SYK: variants seen among roughly 807,000 people sequenced by gnomAD.
SYK encodes spleen associated tyrosine kinase, also known as tyrosine-protein kinase SYK.
SYK carries 16 observed loss-of-function variants against 77.8 expected under a neutral mutation model. That is an observed-to-expected ratio of 0.21 (90% CI 0.14 to 0.31). The LOEUF (loss-of-function observed/expected upper bound fraction) is 0.31. Among genes scored for constraint, SYK ranks in the 10% least tolerant of loss-of-function variants. The pLI, the probability that SYK is intolerant of heterozygous loss-of-function variation, is 1.00. For missense variants in SYK, 529 were observed against 814.4 expected, an observed-to-expected ratio of 0.65 and a Z score of 4.26; for synonymous variants, 312 against 308.7, an observed-to-expected ratio of 1.01 and a Z score of -0.11.
rs1311314925 is a variant in SYK, at chr9:90,884,157, A to ATATATATATACACATACGTG, written c.1582-3588_1582-3587insTATATACACATACGTGTATA. Among the ~76,000 whole-genome samples, 34 of 107,560 alleles carry ATATATATATACACATACGTG rather than the reference A, an allele frequency of 3.2e-4. 1 individual carries two copies. The highest frequency in any genetic ancestry group is 1.1e-3 in the African/African-American group (32 of 27,890). 70.6% of individuals were successfully genotyped at this position (107,560 alleles called of 152,430 possible). A position where few individuals can be genotyped will look rare whatever the true frequency, so the allele number is the denominator to read the frequency against. On this transcript the variant is annotated intron_variant, in intron 11 of 13. Transcript: ENST00000375754. ...TACATATATATATGTGTGTGTGTATATATACACACATACACATACGTGTAT... is the reference window on the plus strand; with the variant it reads ...TACATATATATATGTGTGTGTGTATATATATATATACACATACGTGTATACACACATACACATACGTGTAT...
chr9:90,888,906 G>C (rs1828682871), intron 13 of SYK, among the ~76,000 whole-genome samples: 1 of 152,198 alleles, frequency 6.6e-6, no homozygotes, highest in South Asian at 2.1e-4. Context: ...GGCAAGGGCA[G>C]TCAAAGTAAA....
chr9:90,815,488 C>T (rs1397401180), intron 1 of SYK, among the ~76,000 whole-genome samples: 2 of 152,180 alleles, frequency 1.3e-5, no homozygotes, highest in African/African-American at 2.4e-5. Context: ...CAAGAGAAGT[C>T]GTTTTGAAGG....
Position 90,878,810 on chromosome 9 carries a change from A to G in SYK, c.1438A>G (p.Met480Val), listed in dbSNP as rs1828039721. 3 of 1,613,904 alleles carry G rather than the reference A, an allele frequency of 1.9e-6. No homozygotes were observed. Among genetic ancestry groups the G allele is most frequent in the Non-Finnish European group, 2.5e-6 (3 of 1,179,890 alleles). ...NIIELVHQVSMGMKYLEESNF... is the reference protein window; with the variant it reads ...NIIELVHQVSVGMKYLEESNF... ...CATAGAACTGGTTCATCAGGTTTCC[A>G]TGGGCATGAAGTACTTGGAGGAGAG... Residue 480 changes from methionine (M) to valine (V), a missense_variant, in exon 11 of 14, where the codon ATG (methionine) becomes GTG (valine). Met to Val is a conservative substitution (Grantham distance 21). Coordinates refer to ENST00000375754, the MANE Select transcript of SYK (RefSeq NM_003177.7).
intron 12 of SYK, among the ~76,000 whole-genome samples, 155 bp downstream of exon 12, chr9:90,888,044 A>G (rs980455917): frequency 1.3e-5 from 2 of 152,232 alleles, no homozygotes; most frequent in South Asian, 2.1e-4. Context: ...CAAACTGAGA[A>G]TGAAATATCT....
intron 11 of SYK, among the ~76,000 whole-genome samples, chr9:90,884,340 C>CACAT (rs1554714426): frequency 2.4e-5 from 3 of 124,600 alleles, no homozygotes; most frequent in African/African-American, 9.0e-5. Flanking sequence ...TGTATATATA[C>CACAT]ACACATACAC....
intron 7 of SYK, among the ~76,000 whole-genome samples, chr9:90,872,776 T>G (rs1162683944): frequency 6.6e-6 from 1 of 152,276 alleles, no homozygotes; most frequent in African/African-American, 2.4e-5. Flanking sequence ...ACCCATCCAT[T>G]CATTCATGTG....
Position 90,874,291 on chromosome 9 carries a change from G to C in SYK, c.1003G>C (p.Gly335Arg). ...PELAPWAADK[G>R]PQREALPMDT... ...ACTTGCACCCTGGGCTGCAGACAAA[G>C]GTGAGACTTCCTTTCATTCAAGGGA... Residue 335 changes from glycine (G) to arginine (R), a missense_variant and splice_region_variant, in exon 8 of 14, where the codon GGC becomes CGC. Gly to Arg is a moderately radical substitution (Grantham distance 125). Transcript: ENST00000375754. 1 of 1,614,096 alleles carries C rather than the reference G, an allele frequency of 6.2e-7. No individual in the cohort carries two copies. Among genetic ancestry groups the C allele is most frequent in the Non-Finnish European group, 8.5e-7 (1 of 1,179,956 alleles).
intron 1 of SYK, chr9:90,827,723 A>G (rs1302538061): frequency 6.6e-6 from 1 of 152,200 alleles, no homozygotes; most frequent in African/African-American, 2.4e-5. Flanking sequence ...TCTTCCACTG[A>G]GCACATGTCC....
At chr9:90,884,190 C>CGCATAT (rs1564119980) in intron 11 of SYK, among the ~76,000 whole-genome samples, 1 of 151,408 alleles carries the variant, frequency 6.6e-6, no homozygotes, top group Non-Finnish European at 1.5e-5. Context: ...TATATATACA[C>CGCATAT]ACATACACAT....
chr9:90,820,645 A>G (rs530875449), intron 1 of SYK, among the ~76,000 whole-genome samples: 1 of 151,932 alleles, frequency 6.6e-6, no homozygotes, highest in East Asian at 1.9e-4. Context: ...CCACGAAACC[A>G]CTTTTTCCTC....
At chr9:90,812,861 G>T (rs1825145774) in intron 1 of SYK, among the ~76,000 whole-genome samples, 1 of 151,636 alleles carries the variant, frequency 6.6e-6, no homozygotes, top group African/African-American at 2.4e-5. Context: ...TTCTCCTAAG[G>T]TTTGCCACTC....
At chr9:90,869,150 A>G (rs1027011463) in intron 7 of SYK, among the ~76,000 whole-genome samples, 8 of 152,202 alleles carry the variant, frequency 5.3e-5, no homozygotes, top group African/African-American at 1.9e-4. Context: ...CCCACTTTTC[A>G]TTGTAAACTC....
At chr9:90,867,268 C>T (rs563231810) in intron 7 of SYK, 69 bp downstream of exon 7, 1 of 1,489,850 alleles carries the variant, frequency 6.7e-7, no homozygotes, top group East Asian at 2.3e-5. Context: ...CTCCCGCCCG[C>T]CCAGTCTGCC....
At chr9:90,876,688 C>T (rs181150617) in intron 9 of SYK, among the ~76,000 whole-genome samples, 7 of 152,280 alleles carry the variant, frequency 4.6e-5, no homozygotes, top group Non-Finnish European at 7.4e-5. Flanking sequence ...GAGGCTCTCT[C>T]GGTCAATTTG....
At chr9:90,865,676 G>A (rs1411548537) in intron 6 of SYK, among the ~76,000 whole-genome samples, 1 of 151,992 alleles carries the variant, frequency 6.6e-6, no homozygotes, top group African/African-American at 2.4e-5. Context: ...TACACAATGC[G>A]AATGAAACCC....
At chr9:90,893,253 T>C (rs909017054) in intron 13 of SYK, among the ~76,000 whole-genome samples, 2 of 152,198 alleles carry the variant, frequency 1.3e-5, no homozygotes, top group African/African-American at 4.8e-5. Context: ...CACGTGTATA[T>C]ATGGGGTTTT....
At chr9:90,887,117 G>C (rs753172495) in intron 11 of SYK, among the ~76,000 whole-genome samples, 1 of 152,180 alleles carries the variant, frequency 6.6e-6, no homozygotes, top group Non-Finnish European at 1.5e-5. Flanking sequence ...TCCTGTCATA[G>C]CTGAAGTGTT....
Position 90,888,823 on chromosome 9 carries a change from C to T in SYK, c.1835+196C>T, listed in dbSNP as rs531942338. ...CCCATGCACTTACATGTAGTAGAGC[C>T]TAAAGAGCAAGTTTAGATGGGGACT... On this transcript the variant is annotated intron_variant, in intron 13 of 13. Coordinates refer to ENST00000375754, the MANE Select transcript of SYK (RefSeq NM_003177.7). Among the ~76,000 whole-genome samples the T allele has an allele frequency of 3.9e-4, 59 of 152,236 alleles. 3 individuals carry two copies. Among genetic ancestry groups the T allele is most frequent in the South Asian group, 1.2e-3 (6 of 4,822 alleles).
chr9:90,864,953 G>C (rs1380889887), intron 5 of SYK, 95 bp from the exon 6 acceptor site: 2 of 1,265,558 alleles, frequency 1.6e-6, no homozygotes, highest in African/African-American at 2.9e-5. Context: ...TCAAGCAGCA[G>C]CACATCCTGA....
Sources: gnomAD v4.1 joint callset for allele counts (sites outside exome capture counted in the v4.1 genomes callset) on GRCh38, gnomAD v4.1.1 for gene constraint, MANE v1.5 for transcripts, NCBI Gene and HGNC (gene_info 2026-07-23, HGNC 2026-07-21) for gene names.